The following ARPP21 variants were observed in gnomAD, a reference collection of about 807,000 sequenced individuals.
The protein encoded by ARPP21 is cAMP-regulated phosphoprotein 21.
A neutral mutation model predicts 113.2 loss-of-function variants in ARPP21; 69 were observed. That is an observed-to-expected ratio of 0.61 (90% CI 0.50 to 0.74). The LOEUF is 0.74. Among genes scored for constraint, ARPP21 ranks in the 30% least tolerant of loss-of-function variants. ARPP21 has a pLI of 0.00. For missense variants in ARPP21, 1,070 were observed against 1,037.4 expected, an observed-to-expected ratio of 1.03 and a Z score of -0.43; for synonymous variants, 368 against 375.5, an observed-to-expected ratio of 0.98 and a Z score of 0.23.
intron 19 of ARPP21, among the ~76,000 whole-genome samples, chr3:35,745,509 A>G (rs1398916877): frequency 6.6e-6 from 1 of 152,202 alleles, no homozygotes; most frequent in Non-Finnish European, 1.5e-5. Flanking sequence ...TAAAGAGATT[A>G]TTTCAGTCTT....
At chr3:35,758,768 G>A (rs558227953) in intron 19 of ARPP21, among the ~76,000 whole-genome samples, 1 of 152,044 alleles carries the variant, frequency 6.6e-6, no homozygotes, top group South Asian at 2.1e-4. Context: ...AACCAGTTCA[G>A]CTGTGGAATG....
At chr3:35,776,664 G>A (rs2151632350) in intron 19 of ARPP21, among the ~76,000 whole-genome samples, 1 of 152,250 alleles carries the variant, frequency 6.6e-6, no homozygotes, top group East Asian at 1.9e-4. Flanking sequence ...AGGACACAGT[G>A]GAACTGAGTT....
At chr3:35,793,242 G>A (rs2096782594) in intron 20 of ARPP21, among the ~76,000 whole-genome samples, 1 of 152,136 alleles carries the variant, frequency 6.6e-6, no homozygotes, top group African/African-American at 2.4e-5. Flanking sequence ...TGAGAATATA[G>A]TAGGTGCCCA....
At chr3:35,693,136 T>G (rs1022154223) in intron 9 of ARPP21, among the ~76,000 whole-genome samples, 1 of 151,586 alleles carries the variant, frequency 6.6e-6, no homozygotes, top group African/African-American at 2.4e-5. Context: ...GAGAACACCC[T>G]CTCGAAGGTA....
intron 19 of ARPP21, among the ~76,000 whole-genome samples, chr3:35,749,823 C>T (rs6791150): frequency 0.52 from 79,737 of 151,924 alleles, 24,070 homozygotes; most frequent in African/African-American, 0.84. Context: ...CCATTTCTTC[C>T]AAGTGGCTGA....
chr3:35,657,930 T>C (rs1465791205), intron 1 of ARPP21, among the ~76,000 whole-genome samples: 2 of 152,156 alleles, frequency 1.3e-5, no homozygotes, highest in African/African-American at 4.8e-5. Flanking sequence ...GTTAATTTGA[T>C]TCTCAGTTTT....
rs1697513241 is a variant in ARPP21, at chr3:35,639,768, AG to A, written c.-839del. On this transcript the variant is annotated 5_prime_UTR_variant, in exon 1 of 21. Transcript: ENST00000684406. The surrounding 1 kb of genome is among the most constrained non-coding windows in gnomAD (Gnocchi z 5.0). ...CCTCCTCTTACCGAGCGAAGCGGCC[AG>A]GGGCACAGAGTGGGAGAGGACTGTG... The A allele has an allele frequency of 2.6e-5, 4 of 152,970 alleles. No individual in the cohort carries two copies. In the South Asian group the frequency reaches 8.2e-4, roughly 32 times the overall value. The allele number at this position is 152,970 out of a possible 1,614,324, so 9.5% of individuals were successfully genotyped here. A position where few individuals can be genotyped will look rare whatever the true frequency, so the allele number is the denominator to read the frequency against.
chr3:35,677,503 T>C (rs577123562), intron 1 of ARPP21, among the ~76,000 whole-genome samples: 8 of 152,122 alleles, frequency 5.3e-5, no homozygotes, highest in African/African-American at 1.9e-4. Flanking sequence ...GCTTTCTTCA[T>C]GGTAAATAGT....
intron 1 of ARPP21, among the ~76,000 whole-genome samples, chr3:35,656,684 G>A (rs1051201472): frequency 6.6e-6 from 1 of 151,950 alleles, no homozygotes. Flanking sequence ...ACTGTAAAGG[G>A]GTCGTATGAG....
chr3:35,730,841 G>A (rs1251012269), intron 15 of ARPP21, among the ~76,000 whole-genome samples: 1 of 152,194 alleles, frequency 6.6e-6, no homozygotes, highest in Non-Finnish European at 1.5e-5. Flanking sequence ...AAGTCATGGT[G>A]TTTGATTGAG....
At chr3:35,783,063 A>C (rs2096559280) in intron 19 of ARPP21, among the ~76,000 whole-genome samples, 1 of 151,560 alleles carries the variant, frequency 6.6e-6, no homozygotes, top group Non-Finnish European at 1.5e-5. Flanking sequence ...ACACTCCCCT[A>C]CTTCTTACTT....
intron 9 of ARPP21, among the ~76,000 whole-genome samples, chr3:35,695,882 A>G (rs1457562704): frequency 2.0e-5 from 3 of 151,602 alleles, no homozygotes; most frequent in African/African-American, 7.3e-5. Context: ...ACTTTACTGA[A>G]GAGAATATGT....
chr3:35,666,560 TTTTA>T (rs2074411740), intron 1 of ARPP21, among the ~76,000 whole-genome samples: 1 of 152,180 alleles, frequency 6.6e-6, no homozygotes, highest in Non-Finnish European at 1.5e-5. Flanking sequence ...GGTGTAGGGT[TTTTA>T]TTTTAGTTTG....
At chr3:35,656,745 A>G (rs1368867813) in intron 1 of ARPP21, among the ~76,000 whole-genome samples, 4 of 152,062 alleles carry the variant, frequency 2.6e-5, no homozygotes, top group African/African-American at 9.7e-5. Context: ...TGGTGGTTAT[A>G]TAAATTTATA....
At chr3:35,681,586 TC>T in intron 2 of ARPP21, 127 bp from the exon 3 acceptor site, 1 of 581,134 alleles carries the variant, frequency 1.7e-6, no homozygotes, top group Admixed American at 3.0e-5. Context: ...TCTTGTTTTT[TC>T]CCCCTTTTGT....
intron 1 of ARPP21, among the ~76,000 whole-genome samples, chr3:35,667,174 G>A (rs2074588310): frequency 6.6e-6 from 1 of 152,092 alleles, no homozygotes; most frequent in South Asian, 2.1e-4. Flanking sequence ...TCAAAATACT[G>A]TCAGGCACAG....
At chr3:35,721,211 A>C (rs921834934) in intron 13 of ARPP21, among the ~76,000 whole-genome samples, 2 of 152,220 alleles carry the variant, frequency 1.3e-5, no homozygotes, top group African/African-American at 4.8e-5. Context: ...AGTTACTTTT[A>C]GAATCATTTA....
intron 5 of ARPP21, among the ~76,000 whole-genome samples, chr3:35,687,264 T>C (rs2080895513): frequency 6.6e-6 from 1 of 151,288 alleles, no homozygotes; most frequent in Non-Finnish European, 1.5e-5. Context: ...AATTCAGTAA[T>C]AGGGGCTTTC....
chr3:35,711,952 T>G (rs2091251458), intron 11 of ARPP21, among the ~76,000 whole-genome samples: 2 of 152,210 alleles, frequency 1.3e-5, no homozygotes, highest in South Asian at 4.1e-4. Flanking sequence ...AGATCAACAT[T>G]GGAACAATGT....
Sources: gnomAD v4.1 joint callset for allele counts (sites outside exome capture counted in the v4.1 genomes callset) on GRCh38, gnomAD v4.1.1 for gene constraint, Gnocchi (gnomAD v3.1) non-coding constraint, MANE v1.5 for transcripts, NCBI Gene and HGNC (gene_info 2026-07-23, HGNC 2026-07-21) for gene names.